MACROD2: variants seen among roughly 807,000 people sequenced by gnomAD.
The protein encoded by MACROD2 is ADP-ribose glycohydrolase MACROD2.
In MACROD2, 36 loss-of-function variants were observed where a neutral mutation model predicts 70.4. The observed-to-expected ratio is 0.51, with a 90% CI of 0.39 to 0.68. The LOEUF is 0.68. Ranked by LOEUF, MACROD2 falls within the 30% of genes least tolerant of loss-of-function variation. The probability of loss-of-function intolerance (pLI) is 0.00; values close to 1 mark genes in which losing one functional copy is unlikely to be tolerated. For synonymous variants in MACROD2, 172 were observed against 178.8 expected (o/e 0.96, Z 0.30); for missense variants, 496 against 538.4 (o/e 0.92, Z 0.78).
chr20:14,994,531 G>T (rs2074933361), intron 5 of MACROD2, among the ~76,000 whole-genome samples: 1 of 152,084 alleles, frequency 6.6e-6, no homozygotes, highest in Non-Finnish European at 1.5e-5. Context: ...GACTGGAGAG[G>T]TTCACTTGAA....
At chr20:14,803,170 C>T (rs1033132135) in intron 5 of MACROD2, among the ~76,000 whole-genome samples, 1 of 152,068 alleles carries the variant, frequency 6.6e-6, no homozygotes, top group African/African-American at 2.4e-5. Context: ...GGTTATGGCA[C>T]AGCATATTGC....
At chr20:15,995,129 AGCACATCAGTGCACCCTACT>A (rs2066609723) in intron 15 of MACROD2, among the ~76,000 whole-genome samples, 1 of 152,108 alleles carries the variant, frequency 6.6e-6, no homozygotes, top group African/African-American at 2.4e-5. Context: ...GATCCTTACT[AGCACATCAGTGCACCCTACT>A]GCACATTGTA....
At chr20:14,641,132 A>G (rs1296505734) in intron 4 of MACROD2, among the ~76,000 whole-genome samples, 2 of 152,172 alleles carry the variant, frequency 1.3e-5, no homozygotes, top group African/African-American at 2.4e-5. Flanking sequence ...TGTCATTTCA[A>G]CATTGTTCAT....
intron 3 of MACROD2, among the ~76,000 whole-genome samples, chr20:14,231,849 G>A (rs1224107157): frequency 1.3e-5 from 2 of 152,132 alleles, no homozygotes; most frequent in East Asian, 1.9e-4. Context: ...GTGTGAGATG[G>A]TATCTCATTG....
At chr20:14,656,991 T>C (rs535208162) in intron 4 of MACROD2, among the ~76,000 whole-genome samples, 8 of 152,262 alleles carry the variant, frequency 5.3e-5, no homozygotes, top group African/African-American at 1.9e-4. Context: ...AACATGTATG[T>C]GATATACTCT....
intron 4 of MACROD2, among the ~76,000 whole-genome samples, chr20:14,595,584 C>T (rs959300208): frequency 6.6e-6 from 1 of 152,202 alleles, no homozygotes; most frequent in Non-Finnish European, 1.5e-5. Flanking sequence ...TATTTGGTTA[C>T]GTTTCTAATC....
intron 5 of MACROD2, among the ~76,000 whole-genome samples, chr20:15,055,656 G>A (rs2075478887): frequency 6.6e-6 from 1 of 152,068 alleles, no homozygotes; most frequent in South Asian, 2.1e-4. Flanking sequence ...TAAGGAGAAT[G>A]GATGGAATAT....
chr20:14,328,608 G>T (rs1003169373), intron 3 of MACROD2, among the ~76,000 whole-genome samples: 1 of 152,106 alleles, frequency 6.6e-6, no homozygotes, highest in South Asian at 2.1e-4. Context: ...TAAATTTTGC[G>T]GGGGTGAATA....
intron 8 of MACROD2, chr20:15,552,927 T>G (rs1375419045): frequency 6.6e-6 from 1 of 152,226 alleles, no homozygotes; most frequent in African/African-American, 2.4e-5. Flanking sequence ...CTGTTCTTCC[T>G]GGGATCATCC....
intron 8 of MACROD2, among the ~76,000 whole-genome samples, chr20:15,646,123 A>C (rs2049537426): frequency 6.6e-6 from 1 of 152,154 alleles, no homozygotes; most frequent in Non-Finnish European, 1.5e-5. Context: ...CTGAGCTGAT[A>C]GGATCCTATT....
intron 5 of MACROD2, among the ~76,000 whole-genome samples, chr20:14,765,568 A>G (rs2072076053): frequency 6.6e-6 from 1 of 152,100 alleles, no homozygotes; most frequent in Non-Finnish European, 1.5e-5. Context: ...AGTGGTGGTG[A>G]GAATAGAACC....
chr20:14,264,022 C>T (rs2082122913), intron 3 of MACROD2, among the ~76,000 whole-genome samples: 1 of 108,854 alleles, frequency 9.2e-6, no homozygotes, highest in Non-Finnish European at 2.0e-5. Context: ...CACACACACA[C>T]ACACAACACA....
intron 8 of MACROD2, among the ~76,000 whole-genome samples, chr20:15,531,375 T>C (rs2047799063): frequency 6.6e-6 from 1 of 151,930 alleles, no homozygotes; most frequent in South Asian, 2.1e-4. Flanking sequence ...TTAATATTTT[T>C]TCTTCTCCTC....
chr20:14,902,850 G>A (rs1207648330), intron 5 of MACROD2, among the ~76,000 whole-genome samples: 2 of 152,022 alleles, frequency 1.3e-5, no homozygotes, highest in East Asian at 1.9e-4. Flanking sequence ...ATAAATGTAA[G>A]TTCAAAGGCA....
At chr20:14,238,095 T>C (rs955308236) in intron 3 of MACROD2, among the ~76,000 whole-genome samples, 50 of 152,302 alleles carry the variant, frequency 3.3e-4, no homozygotes, top group African/African-American at 1.2e-3. Flanking sequence ...GTCTTTCTAG[T>C]TCTAGATCCC....
chr20:15,964,345 G>A (rs968074796), intron 12 of MACROD2, among the ~76,000 whole-genome samples: 3 of 152,048 alleles, frequency 2.0e-5, no homozygotes, highest in Non-Finnish European at 2.9e-5. Flanking sequence ...CAGCAGATTC[G>A]GTATCTGGTG....
intron 4 of MACROD2, among the ~76,000 whole-genome samples, chr20:14,598,668 AT>A (rs1282371520): frequency 6.6e-6 from 1 of 152,162 alleles, no homozygotes; most frequent in Non-Finnish European, 1.5e-5. Context: ...AAAATGTAAA[AT>A]TTATTTGCTG....
intron 5 of MACROD2, among the ~76,000 whole-genome samples, chr20:14,937,143 G>T (rs993256600): frequency 6.6e-6 from 1 of 152,078 alleles, no homozygotes; most frequent in Non-Finnish European, 1.5e-5. Flanking sequence ...TGTGGAGGTT[G>T]TTTTGGTGGA....
intron 6 of MACROD2, among the ~76,000 whole-genome samples, chr20:15,290,174 T>G (rs2077528945): frequency 6.6e-6 from 1 of 152,236 alleles, no homozygotes; most frequent in African/African-American, 2.4e-5. Flanking sequence ...TTAAAATATA[T>G]GTAACATATT....
Sources: allele counts gnomAD v4.1 joint callset (sites outside exome capture counted in the v4.1 genomes callset), GRCh38; gene constraint gnomAD v4.1.1; transcripts MANE v1.5; gene names NCBI Gene and HGNC (gene_info 2026-07-23, HGNC 2026-07-21).